The following ESCO2 variants were observed in gnomAD, a reference collection of about 807,000 sequenced individuals.
ESCO2 encodes the protein establishment of sister chromatid cohesion N-acetyltransferase 2, also known as N-acetyltransferase ESCO2.
Under a neutral mutation model 61.7 loss-of-function variants are expected in ESCO2, and 51 were observed. The observed-to-expected ratio is 0.83, with a 90% CI of 0.66 to 1.04. The LOEUF (loss-of-function observed/expected upper bound fraction) is 1.04. Among genes scored for constraint, ESCO2 ranks in the 50% least tolerant of loss-of-function variants. The probability of loss-of-function intolerance (pLI) is 0.00; values close to 1 mark genes in which losing one functional copy is unlikely to be tolerated. For synonymous variants in ESCO2, 230 were observed against 238.2 expected, an observed-to-expected ratio of 0.97 and a Z score of 0.32; for missense variants, 692 against 686.2, an observed-to-expected ratio of 1.01 and a Z score of -0.09.
At position 27,786,413 on chromosome 8, in the gene ESCO2, C is replaced by T. The variant is rs576115884; in HGVS notation, c.1014-1472C>T. 7.2e-5 allele frequency among the ~76,000 whole-genome samples: 11 copies of T among 152,278 alleles called. No individual in the cohort carries two copies. In the East Asian group the frequency reaches 1.4e-3, roughly 19 times the overall value. On this transcript the variant is annotated intron_variant, in intron 5 of 10. Transcript: ENST00000305188. ...GGCTTCAAATGTGCCTATAGATAATCGCAAGAAACACTGTGCCTGGGCATG... is the reference window on the plus strand; with the variant it reads ...GGCTTCAAATGTGCCTATAGATAATTGCAAGAAACACTGTGCCTGGGCATG...
downstream of ESCO2, chr8:27,810,173 T>G: frequency 1.5e-6 from 1 of 647,176 alleles, no homozygotes; most frequent in Non-Finnish European, 2.7e-6. Flanking sequence ...GAAATAGTTA[T>G]CCATATGTTA....
chr8:27,784,481 C>T (rs1224133011), intron 5 of ESCO2, among the ~76,000 whole-genome samples: 3 of 152,114 alleles, frequency 2.0e-5, no homozygotes, highest in South Asian at 4.1e-4. Flanking sequence ...GAACCAAATG[C>T]CCATTAGGTT....
chr8:27,793,059 G>C (rs1040879702), intron 9 of ESCO2, among the ~76,000 whole-genome samples: 1 of 152,116 alleles, frequency 6.6e-6, no homozygotes, highest in Non-Finnish European at 1.5e-5. Flanking sequence ...ATAAAGTCTA[G>C]TGATTTTAAG....
intron 5 of ESCO2, 84 bp from the exon 6 acceptor site, chr8:27,787,801 A>C (rs1805079401): frequency 9.7e-7 from 1 of 1,033,156 alleles, no homozygotes; most frequent in South Asian, 1.3e-5. Flanking sequence ...AAAAATTGCA[A>C]GGTACTCTGA....
chr8:27,792,133 C>A, intron 8 of ESCO2, 81 bp downstream of exon 8: 1 of 1,322,640 alleles, frequency 7.6e-7, no homozygotes. Context: ...ACTGCCTTTG[C>A]TGACAGATAA....
At chr8:27,797,320 T>C (rs1230080260) in intron 9 of ESCO2, among the ~76,000 whole-genome samples, 2 of 152,220 alleles carry the variant, frequency 1.3e-5, no homozygotes, top group Non-Finnish European at 2.9e-5. Context: ...ACCCTTTTAT[T>C]ATATAATTAC....
downstream of ESCO2, chr8:27,810,437 T>A (rs1353842936): frequency 6.2e-7 from 1 of 1,609,010 alleles, no homozygotes. Flanking sequence ...TATTAATAGG[T>A]GGCCTAGTTC....
At chr8:27,800,955 A>G (rs568277938) in intron 10 of ESCO2, among the ~76,000 whole-genome samples, 2 of 152,296 alleles carry the variant, frequency 1.3e-5, no homozygotes, top group African/African-American at 4.8e-5. Context: ...ATGAATGGAG[A>G]GCAACTAATA....
downstream of ESCO2, among the ~76,000 whole-genome samples, chr8:27,807,026 T>C (rs1585415870): frequency 1.3e-5 from 2 of 152,312 alleles, no homozygotes; most frequent in South Asian, 4.1e-4. Flanking sequence ...TTTCTAAACT[T>C]AATTAATTCT....
intron 10 of ESCO2, among the ~76,000 whole-genome samples, chr8:27,802,614 A>AAAAAAG (rs1805457878): frequency 1.3e-5 from 1 of 77,458 alleles, no homozygotes; most frequent in Admixed American, 1.4e-4. Context: ...TCTCAAAAAA[A>AAAAAAG]AAAAAAAAAA....
chr8:27,788,987 A>C lies in ESCO2; in HGVS notation c.1263+9A>C, dbSNP rs1228201267. 1.2e-6 allele frequency: 2 copies of C among 1,613,920 alleles called. No individual in the cohort carries two copies. Among genetic ancestry groups the C allele is most frequent in the Non-Finnish European group, 1.7e-6 (2 of 1,179,970 alleles). On this transcript the variant is annotated intron_variant, in intron 7 of 10. Transcript: ENST00000305188. The stretch of plus-strand genomic sequence containing the variant: ...AAGGAATCAAATATGTGGTGAGCCA[A>C]AACATAGTCTTTCAGTTTGTTCTAG...
At chr8:27,800,212 A>G (rs1040438015) in intron 10 of ESCO2, among the ~76,000 whole-genome samples, 7 of 152,264 alleles carry the variant, frequency 4.6e-5, no homozygotes, top group African/African-American at 1.7e-4. Flanking sequence ...GAGACAATCC[A>G]TAGAACGAGA....
At chr8:27,797,986 A>G (rs1268286800) in intron 9 of ESCO2, among the ~76,000 whole-genome samples, 1 of 152,218 alleles carries the variant, frequency 6.6e-6, no homozygotes, top group African/African-American at 2.4e-5. Flanking sequence ...GTCAGAAACA[A>G]TGTTGTGTTG....
chr8:27,790,530 T>C lies in ESCO2; in HGVS notation c.1264-1433T>C, dbSNP rs184946509. Among the ~76,000 whole-genome samples the C allele has an allele frequency of 3.5e-5, 5 of 144,126 alleles. No homozygotes were observed. The Admixed American group carries it at 3.6e-4, about 10-fold the overall frequency. 94.6% of individuals were successfully genotyped at this position (144,126 alleles called of 152,430 possible). A position where few individuals can be genotyped will look rare whatever the true frequency, so the allele number is the denominator to read the frequency against. On this transcript the variant is annotated intron_variant, in intron 7 of 10. Coordinates refer to ENST00000305188, the MANE Select transcript of ESCO2 (RefSeq NM_001017420.3). ...GCAAATACCATTACTTGGATTTTTTTAACCTTTTTGTGGTGTATATTGCTA... is the reference window on the plus strand; with the variant it reads ...GCAAATACCATTACTTGGATTTTTTCAACCTTTTTGTGGTGTATATTGCTA...
chr8:27,816,374 TTTATTTTAA>T (rs1175020155), downstream of ESCO2, among the ~76,000 whole-genome samples: 250 of 109,552 alleles, frequency 2.3e-3, 2 homozygotes, highest in East Asian at 0.011. Flanking sequence ...TATTTATTTA[TTTATTTTAA>T]TTTATTTTTT....
chr8:27,776,249 G>A, intron 2 of ESCO2, 113 bp from the exon 3 acceptor site: 2 of 784,516 alleles, frequency 2.5e-6, no homozygotes, highest in South Asian at 1.7e-5. Flanking sequence ...GTGTGTATGG[G>A]GGGTACATGT....
rs1491490850 is a variant in ESCO2, at chr8:27,802,656, T to TAATA, written c.1674-650_1674-649insAATA. Among the ~76,000 whole-genome samples, 219 of 63,522 alleles carry TAATA rather than the reference T, an allele frequency of 3.4e-3. 1 individual carries two copies. The highest frequency in any genetic ancestry group is 0.015 in the African/African-American group (214 of 14,394). 41.7% of individuals were successfully genotyped at this position (63,522 alleles called of 152,430 possible). A position where few individuals can be genotyped will look rare whatever the true frequency, so the allele number is the denominator to read the frequency against. ...ATATATATATATATATATATATATATTATATATATATATATATAGTTACTG... is the reference window on the plus strand; with the variant it reads ...ATATATATATATATATATATATATATAATATATATATATATATATATAGTTACTG... On this transcript the variant is annotated intron_variant, in intron 10 of 10. Transcript: ENST00000305188.
chr8:27,773,210 T>C (rs533736612), upstream of ESCO2, among the ~76,000 whole-genome samples: 16 of 152,298 alleles, frequency 1.1e-4, no homozygotes, highest in East Asian at 3.1e-3. Context: ...GAGCTATGTA[T>C]TCATCTACTG....
At chr8:27,782,889 G>A (rs1329480134) in intron 4 of ESCO2, among the ~76,000 whole-genome samples, 2 of 151,790 alleles carry the variant, frequency 1.3e-5, no homozygotes, top group African/African-American at 4.8e-5. Flanking sequence ...CTTCAGTGTC[G>A]TTATGCTATA....
Sources: gnomAD v4.1 joint callset for allele counts (sites outside exome capture counted in the v4.1 genomes callset) on GRCh38, gnomAD v4.1.1 for gene constraint, MANE v1.5 for transcripts, NCBI Gene and HGNC (gene_info 2026-07-23, HGNC 2026-07-21) for gene names.